Variants in MAST2 observed in about 807,000 individuals in gnomAD.
MAST2 encodes the protein microtubule associated serine/threonine kinase 2.
A neutral mutation model predicts 147.4 loss-of-function variants in MAST2; 70 were observed. The ratio of observed to expected loss-of-function variants is 0.47; its 90% CI spans 0.39 to 0.58. The LOEUF (loss-of-function observed/expected upper bound fraction) is 0.58. MAST2 is among the 20% of genes least tolerant of loss of function. The pLI, the probability that MAST2 is intolerant of heterozygous loss-of-function variation, is 0.00. For synonymous variants in MAST2, 869 were observed against 896.8 expected (o/e 0.97, Z 0.55); for missense variants, 2,080 against 2,302.3 (o/e 0.90, Z 1.98).
intron 1 of MAST2, among the ~76,000 whole-genome samples, chr1:45,823,958 C>T (rs1012488192): frequency 6.6e-6 from 1 of 152,092 alleles, no homozygotes. Flanking sequence ...CTGTATTTAG[C>T]TCCTCTTATA....
chr1:45,806,003 T>C (rs1195203459), intron 1 of MAST2, among the ~76,000 whole-genome samples: 1 of 152,232 alleles, frequency 6.6e-6, no homozygotes, highest in African/African-American at 2.4e-5. Flanking sequence ...ACTGATGTCT[T>C]TAAGGTCACC....
At chr1:45,901,190 T>C (rs1649703717) in intron 4 of MAST2, among the ~76,000 whole-genome samples, 1 of 152,172 alleles carries the variant, frequency 6.6e-6, no homozygotes, top group African/African-American at 2.4e-5. Flanking sequence ...TGGTGAGAGA[T>C]AGGGGTCCAG....
chr1:45,885,815 C>G (rs547683958), intron 4 of MAST2, among the ~76,000 whole-genome samples: 13 of 152,198 alleles, frequency 8.5e-5, no homozygotes, highest in Non-Finnish European at 1.6e-4. Flanking sequence ...AGACAAGGTC[C>G]CTGTGCTCAT....
chr1:45,842,986 G>A (rs1645323012), intron 3 of MAST2, among the ~76,000 whole-genome samples: 2 of 151,990 alleles, frequency 1.3e-5, no homozygotes, highest in South Asian at 2.1e-4. Context: ...TACTATCCTG[G>A]TGAGTATGAA....
At chr1:45,960,569 C>G (rs1472090276) in intron 5 of MAST2, among the ~76,000 whole-genome samples, 1 of 152,120 alleles carries the variant, frequency 6.6e-6, no homozygotes, top group East Asian at 1.9e-4. Context: ...TTGTCCTTCC[C>G]AGAGAGGGGC....
chr1:46,018,461 ATAAGAG>A (rs1646049987), intron 10 of MAST2, among the ~76,000 whole-genome samples: 1 of 152,154 alleles, frequency 6.6e-6, no homozygotes, highest in Non-Finnish European at 1.5e-5. Context: ...GGGAAACATT[ATAAGAG>A]TAAAAGGAGT....
At chr1:45,989,554 TA>T (rs1644779802) in intron 5 of MAST2, among the ~76,000 whole-genome samples, 1 of 152,186 alleles carries the variant, frequency 6.6e-6, no homozygotes, top group African/African-American at 2.4e-5. Context: ...TCTCATAAGT[TA>T]TTTTTTTTTA....
chr1:45,917,419 AAGTCCCATTT>A, intron 4 of MAST2: 1 of 1,366,498 alleles, frequency 7.3e-7, no homozygotes, highest in Non-Finnish European at 9.8e-7. Context: ...TTCCTCACTA[AAGTCCCATTT>A]AGTGCTGATT....
intron 4 of MAST2, chr1:45,917,269 T>A: frequency 8.9e-7 from 1 of 1,126,392 alleles, no homozygotes; most frequent in East Asian, 5.2e-5. Flanking sequence ...CAAGCCACTT[T>A]GAATATGTTT....
intron 4 of MAST2, among the ~76,000 whole-genome samples, chr1:45,911,074 T>G (rs1651584641): frequency 6.6e-6 from 1 of 152,204 alleles, no homozygotes; most frequent in Admixed American, 6.5e-5. Context: ...GCAGAGGCCT[T>G]TCTTCTGGCT....
At chr1:45,821,758 C>G (rs1644638486) in intron 1 of MAST2, among the ~76,000 whole-genome samples, 1 of 151,286 alleles carries the variant, frequency 6.6e-6, no homozygotes, top group South Asian at 2.1e-4. Flanking sequence ...ACCTCATGAT[C>G]TGCCCGCCTT....
intron 3 of MAST2, among the ~76,000 whole-genome samples, chr1:45,876,898 A>C (rs1218491062): frequency 6.6e-6 from 1 of 152,228 alleles, no homozygotes; most frequent in African/African-American, 2.4e-5. Context: ...ATTGTTAGCC[A>C]AAACTGTAGT....
At chr1:45,937,644 T>C (rs1047414126) in intron 4 of MAST2, among the ~76,000 whole-genome samples, 5 of 150,040 alleles carry the variant, frequency 3.3e-5, no homozygotes, top group African/African-American at 1.2e-4. Context: ...CCCAGCTACT[T>C]GGGAGGCTGA....
intron 3 of MAST2, among the ~76,000 whole-genome samples, chr1:45,839,796 G>A (rs1645217559): frequency 6.6e-6 from 1 of 152,248 alleles, no homozygotes; most frequent in African/African-American, 2.4e-5. Flanking sequence ...AACAGTAATC[G>A]GGTCAGTGTG....
intron 3 of MAST2, among the ~76,000 whole-genome samples, chr1:45,867,322 A>G (rs548359130): frequency 2.6e-5 from 4 of 152,328 alleles, no homozygotes; most frequent in Non-Finnish European, 4.4e-5. Context: ...GGCTTCGCTA[A>G]TTGCTTTCTG....
At chr1:45,816,058 C>CAT (rs1174987191) in intron 1 of MAST2, among the ~76,000 whole-genome samples, 3 of 152,112 alleles carry the variant, frequency 2.0e-5, no homozygotes, top group Admixed American at 2.0e-4. Context: ...TGTAGACACA[C>CAT]AGAGTTTTGA....
intron 3 of MAST2, among the ~76,000 whole-genome samples, chr1:45,841,597 G>C (rs1645279221): frequency 6.6e-6 from 1 of 152,098 alleles, no homozygotes; most frequent in African/African-American, 2.4e-5. Context: ...ATGTTGTGCG[G>C]GCTAGTCTCT....
intron 3 of MAST2, among the ~76,000 whole-genome samples, chr1:45,850,002 T>A (rs1645573668): frequency 6.6e-6 from 1 of 152,208 alleles, no homozygotes; most frequent in Non-Finnish European, 1.5e-5. Context: ...GTAGTTCAGT[T>A]TTAGGCTCTT....
intron 5 of MAST2, among the ~76,000 whole-genome samples, chr1:45,964,710 C>CT (rs1399230553): frequency 6.6e-6 from 1 of 151,994 alleles, no homozygotes; most frequent in Non-Finnish European, 1.5e-5. Flanking sequence ...TTTTGTGTCT[C>CT]TATCTCCTTC....
Sources: allele counts gnomAD v4.1 joint callset (sites outside exome capture counted in the v4.1 genomes callset), GRCh38; gene constraint gnomAD v4.1.1; transcripts MANE v1.5; gene names NCBI Gene and HGNC (gene_info 2026-07-23, HGNC 2026-07-21).